DIS3L2: variants seen among roughly 807,000 people sequenced by gnomAD.
DIS3L2 encodes DIS3 like 3'-5' exoribonuclease 2.
In DIS3L2, 34 loss-of-function variants were observed where a neutral mutation model predicts 97.5. That is an observed-to-expected ratio of 0.35 (90% confidence interval 0.27 to 0.46). DIS3L2 has a LOEUF of 0.46. Ranked by LOEUF, DIS3L2 falls within the 20% of genes least tolerant of loss-of-function variation. The pLI is 1.00. For synonymous variants in DIS3L2, 435 were observed against 445.2 expected (o/e 0.98, Z 0.29); for missense variants, 1,038 against 1,146.0 (o/e 0.91, Z 1.36).
At chr2:232,127,912 C>T (rs1698110353) in intron 6 of DIS3L2, among the ~76,000 whole-genome samples, 4 of 152,064 alleles carry the variant, frequency 2.6e-5, no homozygotes, top group Admixed American at 6.6e-5. Context: ...TCCTTTCCCC[C>T]TTCTTTTTGG....
intron 1 of DIS3L2, among the ~76,000 whole-genome samples, chr2:232,004,201 T>C (rs932446699): frequency 6.6e-6 from 1 of 152,092 alleles, no homozygotes; most frequent in African/African-American, 2.4e-5. Context: ...CCCTCCCAAG[T>C]AGCTGAGATT....
intron 10 of DIS3L2, among the ~76,000 whole-genome samples, chr2:232,227,139 T>C (rs748224246): frequency 1.4e-4 from 21 of 152,372 alleles, no homozygotes; most frequent in Admixed American, 7.2e-4. Context: ...GGAATTACTT[T>C]CAGTCATGTT....
intron 14 of DIS3L2, 28 bp from the exon 15 acceptor site, chr2:232,329,785 T>TGCCCCGGGGGGGG: frequency 2.1e-6 from 2 of 967,142 alleles, no homozygotes; most frequent in Non-Finnish European, 2.9e-6. Context: ...ACCCCAGCGG[T>TGCCCCGGGGGGGG]CCCTCCCATC....
chr2:232,230,337 G>C (rs1024859017), intron 10 of DIS3L2, among the ~76,000 whole-genome samples: 42 of 152,230 alleles, frequency 2.8e-4, no homozygotes, highest in African/African-American at 9.4e-4. Context: ...GGCTGCATGA[G>C]CTGCCCTAAG....
chr2:232,329,182 T>G (rs1362739200), intron 14 of DIS3L2: 1 of 152,414 alleles, frequency 6.6e-6, no homozygotes, highest in African/African-American at 2.4e-5. Flanking sequence ...TGGTGAGGGC[T>G]TCCCTCCTGC....
chr2:232,269,523 G>C lies in DIS3L2; in HGVS notation c.1659+6083G>C, dbSNP rs1051320627. ...AATGAGAGAGCCAGCAGGCCACACAGAAAATGTAAAGTGATGTGACAGAAC... is the reference window on the plus strand; with the variant it reads ...AATGAGAGAGCCAGCAGGCCACACACAAAATGTAAAGTGATGTGACAGAAC... On this transcript the variant is annotated intron_variant, in intron 13 of 20. Transcript: ENST00000325385. This position sits in a 1 kb window ranked among gnomAD's most constrained non-coding sequence, Gnocchi z 4.5. Among the ~76,000 whole-genome samples, 4 of 152,198 alleles carry C rather than the reference G, an allele frequency of 2.6e-5. No individual in the cohort carries two copies. The highest frequency in any genetic ancestry group is 9.7e-5 in the African/African-American group (4 of 41,436).
At chr2:232,224,984 A>T (rs1313628739) in intron 10 of DIS3L2, among the ~76,000 whole-genome samples, 2 of 152,238 alleles carry the variant, frequency 1.3e-5, no homozygotes. Flanking sequence ...GAAGATAACC[A>T]ATGGTCAAAC....
intron 9 of DIS3L2, among the ~76,000 whole-genome samples, chr2:232,167,188 A>G (rs1690849561): frequency 6.6e-6 from 1 of 152,206 alleles, no homozygotes; most frequent in Non-Finnish European, 1.5e-5. Context: ...TACTTTAGGC[A>G]TCAAGAAGTA....
chr2:232,183,587 C>T (rs1446211139), intron 9 of DIS3L2, among the ~76,000 whole-genome samples: 2 of 152,182 alleles, frequency 1.3e-5, no homozygotes, highest in Non-Finnish European at 2.9e-5. Flanking sequence ...CATCTTTATC[C>T]CCAGGAATGT....
chr2:232,220,231 C>A (rs1465974095), intron 10 of DIS3L2, among the ~76,000 whole-genome samples: 1 of 151,940 alleles, frequency 6.6e-6, no homozygotes, highest in African/African-American at 2.4e-5. Context: ...ACCACTTGAG[C>A]CTGGGGGTTC....
At chr2:232,016,352 G>C (rs931860680) in intron 3 of DIS3L2, among the ~76,000 whole-genome samples, 3 of 152,222 alleles carry the variant, frequency 2.0e-5, no homozygotes, top group Non-Finnish European at 4.4e-5. Flanking sequence ...TTGCCTTGCT[G>C]TACTTCAGCT....
intron 5 of DIS3L2, among the ~76,000 whole-genome samples, chr2:232,086,643 A>G (rs11675964): frequency 0.5 from 39,155 of 78,186 alleles, 10,364 homozygotes; most frequent in Non-Finnish European, 0.59. Flanking sequence ...ATATATATAT[A>G]TGTATATATA....
chr2:232,242,315 T>A (rs1391843114), intron 11 of DIS3L2, among the ~76,000 whole-genome samples: 1 of 152,166 alleles, frequency 6.6e-6, no homozygotes, highest in Non-Finnish European at 1.5e-5. Context: ...ACTGCAGATA[T>A]GGGCTGCGAT....
rs1335491905 is a variant in DIS3L2, at chr2:232,163,532, G to A, written c.1024G>A (p.Val342Met). The A allele has an allele frequency of 4.3e-6, 7 of 1,614,042 alleles. No individual in the cohort carries two copies. Among genetic ancestry groups the A allele is most frequent in the East Asian group, 2.2e-5 (1 of 44,884 alleles). The change falls in exon 9 of 21, where the codon GTG becomes ATG. Residue 342 changes from valine to methionine, a missense_variant. This residue lies in a region of DIS3L2 where 813 missense variants were observed against 880.1 expected (regional missense o/e 0.92). Coordinates refer to ENST00000325385, the MANE Select transcript of DIS3L2 (RefSeq NM_152383.5). ...ETEGILTEYGVDFSDFSSEVL... is the reference protein window; with the variant it reads ...ETEGILTEYGMDFSDFSSEVL... The stretch of plus-strand genomic sequence containing the variant: ...AGAAGGAATACTAACAGAGTATGGC[G>A]TGGATTTCTCTGATTTCTCTTCAGA...
At chr2:232,196,215 T>C (rs1458596501) in intron 9 of DIS3L2, among the ~76,000 whole-genome samples, 1 of 152,172 alleles carries the variant, frequency 6.6e-6, no homozygotes, top group African/African-American at 2.4e-5. Context: ...TGATCCTCCC[T>C]CCTTGGCCTC....
chr2:232,205,211 C>CATATATATATAT (rs57163508), intron 9 of DIS3L2, among the ~76,000 whole-genome samples: 148 of 140,570 alleles, frequency 1.1e-3, no homozygotes, highest in African/African-American at 3.6e-3. Context: ...AGGCAGTTTA[C>CATATATATATAT]ATATATATAT....
chr2:232,128,507 T>A lies in DIS3L2; in HGVS notation c.602-2112T>A, dbSNP rs1365918078. Among the ~76,000 whole-genome samples, 3 of 127,668 alleles carry A rather than the reference T, an allele frequency of 2.3e-5. No individual in the cohort carries two copies. In the East Asian group the frequency reaches 8.0e-4, roughly 34 times the overall value. The allele number at this position is 127,668 out of a possible 152,430, so 83.8% of individuals were successfully genotyped here. ...AGAGACAGGTTCTTGCAGGCTGGAG[T>A]GCAGTGGTGCAATCTTGGCTCACTG... is the stretch of plus-strand genomic sequence containing the variant. On this transcript the variant is annotated intron_variant, in intron 6 of 20. Coordinates refer to ENST00000325385, the MANE Select transcript of DIS3L2 (RefSeq NM_152383.5).
intron 10 of DIS3L2, among the ~76,000 whole-genome samples, chr2:232,237,891 T>G (rs1031920294): frequency 6.6e-6 from 1 of 152,168 alleles, no homozygotes; most frequent in African/African-American, 2.4e-5. Flanking sequence ...TGAGGGAAGA[T>G]CTGTTCAGGA....
At chr2:232,316,856 T>A (rs1695289646) in intron 14 of DIS3L2, among the ~76,000 whole-genome samples, 1 of 152,224 alleles carries the variant, frequency 6.6e-6, no homozygotes, top group Admixed American at 6.5e-5. Flanking sequence ...AAAAGATCAG[T>A]TAGCTGGTCG....
Sources: gnomAD v4.1 joint callset for allele counts (sites outside exome capture counted in the v4.1 genomes callset) on GRCh38, gnomAD v4.1.1 for gene constraint, gnomAD v4.1.1 regional missense constraint, Gnocchi (gnomAD v3.1) non-coding constraint, MANE v1.5 for transcripts, NCBI Gene and HGNC (gene_info 2026-07-23, HGNC 2026-07-21) for gene names.